Variants in SLC7A2 observed in about 807,000 individuals in gnomAD.
SLC7A2 encodes solute carrier family 7 member 2, also known as cationic amino acid transporter 2.
A neutral mutation model predicts 58.9 loss-of-function variants in SLC7A2; 48 were observed. The observed-to-expected ratio is 0.82, with a 90% CI of 0.65 to 1.04. The LOEUF (loss-of-function observed/expected upper bound fraction) is 1.04, where lower values mean the gene tolerates loss of function less well. Ranked by LOEUF, SLC7A2 falls within the 50% of genes least tolerant of loss-of-function variation. The pLI is 0.00. For synonymous variants in SLC7A2, 363 were observed against 314.5 expected (o/e 1.15, Z -1.63); for missense variants, 1,029 against 818.8 (o/e 1.26, Z -3.13).
intron 2 of SLC7A2, among the ~76,000 whole-genome samples, chr8:17,540,802 A>C (rs561049395): frequency 1.4e-4 from 21 of 152,284 alleles, no homozygotes; most frequent in Admixed American, 3.9e-4. Flanking sequence ...TCACAGTACC[A>C]GGAAAAAAGG....
rs11373918 is a variant in SLC7A2, at chr8:17,548,858, GT to G, written c.698+26del. On this transcript the variant is annotated intron_variant, in intron 5 of 12. Coordinates refer to ENST00000494857, the MANE Select transcript of SLC7A2 (RefSeq NM_001370338.1). Reference sequence around the variant, plus strand: ...GCAAGTGCCAGGTAAAATATTTGAGGTTTTTTTTTTTCTCCTTCTTGTTTAA... The same window carrying G: ...GCAAGTGCCAGGTAAAATATTTGAGGTTTTTTTTTTCTCCTTCTTGTTTAA... 0.89 allele frequency: 1,065,598 copies of G among 1,201,408 alleles called. 466,046 individuals are homozygous for G. Among genetic ancestry groups the G allele is most frequent in the East Asian group, 0.94 (34,380 of 36,592 alleles). 74.4% of individuals were successfully genotyped at this position (1,201,408 alleles called of 1,614,324 possible).
At chr8:17,553,131 G>C (rs1802528774) in intron 7 of SLC7A2, among the ~76,000 whole-genome samples, 1 of 152,150 alleles carries the variant, frequency 6.6e-6, no homozygotes, top group Non-Finnish European at 1.5e-5. Flanking sequence ...ATAGTTCACT[G>C]AGGCTCGAAC....
At chr8:17,505,394 G>C (rs543127580) in intron 2 of SLC7A2, among the ~76,000 whole-genome samples, 1 of 152,288 alleles carries the variant, frequency 6.6e-6, no homozygotes, top group South Asian at 2.1e-4. Context: ...AGTTGGGGCT[G>C]AGAACTGGCC....
At chr8:17,539,685 G>A (rs576371607) in intron 2 of SLC7A2, among the ~76,000 whole-genome samples, 3 of 152,098 alleles carry the variant, frequency 2.0e-5, no homozygotes, top group Non-Finnish European at 2.9e-5. Flanking sequence ...TACTACATGC[G>A]TGTAGGTTTC....
intron 2 of SLC7A2, among the ~76,000 whole-genome samples, chr8:17,518,127 G>A (rs190062181): frequency 1.1e-4 from 17 of 151,784 alleles, no homozygotes; most frequent in Admixed American, 9.2e-4. Flanking sequence ...GGGGTACAGT[G>A]GCCTTGCTTA....
intron 2 of SLC7A2, among the ~76,000 whole-genome samples, chr8:17,511,550 C>A (rs1800605399): frequency 6.6e-6 from 1 of 152,150 alleles, no homozygotes; most frequent in African/African-American, 2.4e-5. Context: ...ATTTGTTGTA[C>A]AAATTATTCA....
intron 2 of SLC7A2, among the ~76,000 whole-genome samples, chr8:17,536,947 G>T (rs1266302942): frequency 6.6e-6 from 1 of 152,226 alleles, no homozygotes; most frequent in African/African-American, 2.4e-5. Flanking sequence ...GCGCAGCAAG[G>T]CCTGGGGGGA....
chr8:17,513,345 G>A (rs567271390), intron 2 of SLC7A2, among the ~76,000 whole-genome samples: 1 of 151,646 alleles, frequency 6.6e-6, no homozygotes, highest in Non-Finnish European at 1.5e-5. Context: ...TTTTGTAGTA[G>A]TCATCCTAAG....
chr8:17,552,475 G>C (rs940479961), intron 7 of SLC7A2, among the ~76,000 whole-genome samples: 1 of 152,182 alleles, frequency 6.6e-6, no homozygotes, highest in Non-Finnish European at 1.5e-5. Flanking sequence ...AAAATATAAT[G>C]TGCTTTTTAT....
chr8:17,557,586 C>T (rs1802766114), intron 8 of SLC7A2, among the ~76,000 whole-genome samples: 1 of 152,148 alleles, frequency 6.6e-6, no homozygotes, highest in Non-Finnish European at 1.5e-5. Flanking sequence ...ATCCCAGCAT[C>T]TTGGGAGGCC....
intron 3 of SLC7A2, 87 bp from the exon 4 acceptor site, chr8:17,544,364 C>A: frequency 8.8e-7 from 1 of 1,137,232 alleles, no homozygotes; most frequent in Non-Finnish European, 1.3e-6. Context: ...CTTTTGTGAA[C>A]TCATGTTTAT....
intron 8 of SLC7A2, among the ~76,000 whole-genome samples, chr8:17,555,723 A>G (rs1802667000): frequency 6.6e-6 from 1 of 152,158 alleles, no homozygotes. Context: ...CAGTTTTGGT[A>G]CTTAAATTAT....
At chr8:17,543,774 A>T in intron 3 of SLC7A2, 59 bp downstream of exon 3, 1 of 1,463,660 alleles carries the variant, frequency 6.8e-7, no homozygotes, top group Non-Finnish European at 9.2e-7. Context: ...GCCCTGAGTC[A>T]CAGCCCTTAG....
intron 4 of SLC7A2, among the ~76,000 whole-genome samples, chr8:17,545,436 A>G: frequency 9.4e-6 from 1 of 106,658 alleles, no homozygotes; most frequent in Non-Finnish European, 1.7e-5. Context: ...TTTGAGATGG[A>G]GTCTGACTCT....
intron 2 of SLC7A2, among the ~76,000 whole-genome samples, chr8:17,517,321 G>T (rs1800842048): frequency 6.6e-6 from 1 of 152,194 alleles, no homozygotes; most frequent in African/African-American, 2.4e-5. Flanking sequence ...TGTAGGGCCA[G>T]AAGACTTTGC....
intron 2 of SLC7A2, among the ~76,000 whole-genome samples, chr8:17,522,872 TA>T: frequency 6.6e-6 from 1 of 151,690 alleles, no homozygotes; most frequent in Non-Finnish European, 1.5e-5. Context: ...CCTACCTCTA[TA>T]AAAAAATAAA....
At chr8:17,506,299 T>A (rs1800361748) in intron 2 of SLC7A2, among the ~76,000 whole-genome samples, 1 of 152,232 alleles carries the variant, frequency 6.6e-6, no homozygotes, top group Non-Finnish European at 1.5e-5. Context: ...TTCATTTTTA[T>A]AACAAAAATC....
intron 2 of SLC7A2, chr8:17,538,661 T>C (rs1194270566): frequency 2.9e-6 from 2 of 681,334 alleles, no homozygotes; most frequent in East Asian, 3.0e-5. Context: ...CTTGGAACTT[T>C]AACATTGTAG....
intron 2 of SLC7A2, among the ~76,000 whole-genome samples, chr8:17,518,390 AAT>A (rs1263127838): frequency 6.6e-6 from 1 of 152,082 alleles, no homozygotes; most frequent in Non-Finnish European, 1.5e-5. Flanking sequence ...CATATTCTGG[AAT>A]AGTGTTTCAT....
Sources: gnomAD v4.1 joint callset for allele counts (sites outside exome capture counted in the v4.1 genomes callset) on GRCh38, gnomAD v4.1.1 for gene constraint, MANE v1.5 for transcripts, NCBI Gene and HGNC (gene_info 2026-07-23, HGNC 2026-07-21) for gene names.